The following RGPD4 variants were observed in gnomAD, a reference collection of about 807,000 sequenced individuals.
The protein encoded by RGPD4 is RANBP2 like and GRIP domain containing 4, also known as ranBP2-like and GRIP domain-containing protein 4.
Under a neutral mutation model 141.1 loss-of-function variants are expected in RGPD4, and 84 were observed. The ratio of observed to expected loss-of-function variants is 0.60; its 90% CI spans 0.50 to 0.71. The LOEUF (loss-of-function observed/expected upper bound fraction) is 0.71, where lower values mean the gene tolerates loss of function less well. Ranked by LOEUF, RGPD4 falls within the 30% of genes least tolerant of loss-of-function variation. RGPD4 has a pLI of 0.00. For synonymous variants in RGPD4, 298 were observed against 566.8 expected (o/e 0.53, Z 6.74); for missense variants, 918 against 1,622.4 (o/e 0.57, Z 7.46).
intron 22 of RGPD4, among the ~76,000 whole-genome samples, chr2:107,889,016 A>G (rs1219670892): frequency 7.0e-6 from 1 of 142,558 alleles, no homozygotes; most frequent in Non-Finnish European, 1.5e-5. Context: ...TAACACGCAG[A>G]TAAAACCAGA....
At chr2:107,854,165 G>A (rs1573491255) in intron 7 of RGPD4, among the ~76,000 whole-genome samples, 2 of 119,942 alleles carry the variant, frequency 1.7e-5, no homozygotes, top group Admixed American at 8.8e-5. Flanking sequence ...AGCTATCCTT[G>A]TGCCTCAGCC....
At chr2:107,880,413 G>T (rs572488005) in intron 21 of RGPD4, among the ~76,000 whole-genome samples, 1 of 150,296 alleles carries the variant, frequency 6.7e-6, no homozygotes. Context: ...ACAGGTGCCC[G>T]CCAACATGCC....
Position 107,878,042 on chromosome 2 carries a change from G to T in RGPD4, c.4925-1926G>T, listed in dbSNP as rs1410936739. ...TGGCCAGGCTGGTCTTGAACTTGCT[G>T]ACCTCGTGATCCACCCACCTTAGCC... On this transcript the variant is annotated intron_variant, in intron 20 of 22. Coordinates refer to ENST00000408999, the MANE Select transcript of RGPD4 (RefSeq NM_182588.3). Among the ~76,000 whole-genome samples the T allele has an allele frequency of 3.3e-5, 5 of 151,034 alleles. No homozygotes were observed. The East Asian group carries it at 9.7e-4, about 29-fold the overall frequency.
intron 22 of RGPD4, among the ~76,000 whole-genome samples, chr2:107,883,607 C>G (rs1365485371): frequency 7.9e-6 from 1 of 126,988 alleles, no homozygotes; most frequent in Non-Finnish European, 1.6e-5. Context: ...AGCCTGACGG[C>G]AGAGCGAGAC....
At chr2:107,877,176 C>G (rs1287271396) in intron 20 of RGPD4, among the ~76,000 whole-genome samples, 1 of 151,294 alleles carries the variant, frequency 6.6e-6, no homozygotes, top group African/African-American at 2.4e-5. Context: ...GAGTTTGAGA[C>G]CAGTCTGAAC....
At chr2:107,889,140 G>A (rs1675583729) in intron 22 of RGPD4, among the ~76,000 whole-genome samples, 1 of 150,040 alleles carries the variant, frequency 6.7e-6, no homozygotes, top group Middle Eastern at 3.4e-3. Flanking sequence ...TGAAAACACA[G>A]AATGGTGTCT....
At chr2:107,827,548 G>A (rs1321978190) in intron 1 of RGPD4, among the ~76,000 whole-genome samples, 1 of 46,354 alleles carries the variant, frequency 2.2e-5, no homozygotes, top group Non-Finnish European at 4.3e-5. Flanking sequence ...CATGGCTCCC[G>A]ACGGGCGCTG....
chr2:107,827,644 C>T lies in RGPD4; in HGVS notation c.72+559C>T, dbSNP rs1300507175. ...CTCAGGCGTCATGGCTCCCGACGGG[C>T]GCTGCTCCCTGGCACGCTCTGTTGA... On this transcript the variant is annotated intron_variant, in intron 1 of 22. Transcript: ENST00000408999. 7.4e-5 allele frequency among the ~76,000 whole-genome samples: 4 copies of T among 54,198 alleles called. No homozygotes were observed. The East Asian group carries it at 1.2e-3, about 16-fold the overall frequency. The allele number at this position is 54,198 out of a possible 152,430, so 35.6% of individuals were successfully genotyped here. A position where few individuals can be genotyped will look rare whatever the true frequency, so the allele number is the denominator to read the frequency against.
chr2:107,832,481 G>T (rs1159947454), intron 1 of RGPD4, among the ~76,000 whole-genome samples: 1 of 144,386 alleles, frequency 6.9e-6, no homozygotes, highest in South Asian at 2.3e-4. Flanking sequence ...TTGCTCTGTT[G>T]CCCAGGCTGG....
At chr2:107,890,378 T>A (rs1338773820) in intron 22 of RGPD4, among the ~76,000 whole-genome samples, 1 of 128,236 alleles carries the variant, frequency 7.8e-6, no homozygotes, top group African/African-American at 3.1e-5. Context: ...GAGACCTGCA[T>A]CTCTACAAAA....
chr2:107,888,197 C>T (rs571891533), intron 22 of RGPD4, among the ~76,000 whole-genome samples: 29 of 142,608 alleles, frequency 2.0e-4, no homozygotes, highest in African/African-American at 3.7e-4. Context: ...AGCAAATGCA[C>T]CCTATCTAAG....
intron 6 of RGPD4, among the ~76,000 whole-genome samples, chr2:107,845,207 A>G (rs1573477011): frequency 3.4e-5 from 2 of 59,434 alleles, no homozygotes; most frequent in East Asian, 9.2e-4. Flanking sequence ...CACCTGGCTA[A>G]TTTTTTTTTT....
chr2:107,854,398 C>A (rs1438555910), intron 7 of RGPD4, among the ~76,000 whole-genome samples, 158 bp from the exon 8 acceptor site: 2 of 151,876 alleles, frequency 1.3e-5, no homozygotes, highest in Non-Finnish European at 2.9e-5. Context: ...TATATAAATT[C>A]CTTGGTTCCC....
intron 22 of RGPD4, among the ~76,000 whole-genome samples, chr2:107,886,830 A>T (rs1675526899): frequency 6.6e-6 from 1 of 152,068 alleles, no homozygotes; most frequent in African/African-American, 2.4e-5. Context: ...TTGGAAGCAA[A>T]TGTTTATAAT....
intron 20 of RGPD4, among the ~76,000 whole-genome samples, chr2:107,876,546 G>C (rs948648120): frequency 6.6e-6 from 1 of 150,968 alleles, no homozygotes; most frequent in African/African-American, 2.4e-5. Context: ...AACCAATATA[G>C]CTTCTTTGCT....
chr2:107,873,601 T>C (rs2439140), intron 20 of RGPD4, among the ~76,000 whole-genome samples: 1 of 127,916 alleles, frequency 7.8e-6, no homozygotes, highest in African/African-American at 3.0e-5. Flanking sequence ...AAAAAAAAAA[T>C]ATGATATTGA....
At chr2:107,854,344 A>C (rs1682226744) in intron 7 of RGPD4, among the ~76,000 whole-genome samples, 1 of 151,936 alleles carries the variant, frequency 6.6e-6, no homozygotes, top group Non-Finnish European at 1.5e-5. Context: ...TTGGGATTAC[A>C]GGTGTGAGCC....
At chr2:107,881,443 G>A (rs1199754721) in intron 21 of RGPD4, among the ~76,000 whole-genome samples, 31 of 151,592 alleles carry the variant, frequency 2.0e-4, no homozygotes, top group African/African-American at 6.1e-4. Context: ...TCAGCCTCCC[G>A]AGTAGCTGAG....
At chr2:107,877,959 C>T (rs1420860311) in intron 20 of RGPD4, among the ~76,000 whole-genome samples, 1 of 151,362 alleles carries the variant, frequency 6.6e-6, no homozygotes, top group African/African-American at 2.4e-5. Context: ...ATTACAGGCA[C>T]CTGCCACCGT....
Sources: allele counts gnomAD v4.1 joint callset (sites outside exome capture counted in the v4.1 genomes callset), GRCh38; gene constraint gnomAD v4.1.1; transcripts MANE v1.5; gene names NCBI Gene and HGNC (gene_info 2026-07-23, HGNC 2026-07-21).